SIPA1L1: variants seen among roughly 807,000 people sequenced by gnomAD.
SIPA1L1 encodes the protein signal-induced proliferation-associated 1-like protein 1.
A neutral mutation model predicts 162.7 loss-of-function variants in SIPA1L1; 26 were observed. That is an observed-to-expected ratio of 0.16 (90% confidence interval 0.12 to 0.22). SIPA1L1 has a LOEUF of 0.22. Ranked by LOEUF, SIPA1L1 falls within the 10% of genes least tolerant of loss-of-function variation. SIPA1L1 has a pLI of 1.00. For missense variants in SIPA1L1, 1,874 were observed against 2,241.0 expected (o/e 0.84, Z 3.31); for synonymous variants, 829 against 837.4 (o/e 0.99, Z 0.17).
chr14:71,678,803 C>T (rs1378680320), intron 12 of SIPA1L1, among the ~76,000 whole-genome samples: 1 of 151,692 alleles, frequency 6.6e-6, no homozygotes, highest in Non-Finnish European at 1.5e-5. Flanking sequence ...TTAATTATTG[C>T]CTCAATTTCA....
intron 2 of SIPA1L1, among the ~76,000 whole-genome samples, chr14:71,422,806 T>A (rs1396722296): frequency 6.6e-6 from 1 of 152,234 alleles, no homozygotes; most frequent in African/African-American, 2.4e-5. Context: ...CAAATATCTC[T>A]TTGAGACTCT....
intron 7 of SIPA1L1, among the ~76,000 whole-genome samples, chr14:71,642,192 A>C (rs1291447277): frequency 6.6e-6 from 1 of 152,188 alleles, no homozygotes; most frequent in African/African-American, 2.4e-5. Flanking sequence ...ATTGCTTGGG[A>C]GATGGGAAAC....
At chr14:71,664,156 G>A (rs572252067) in intron 10 of SIPA1L1, among the ~76,000 whole-genome samples, 12 of 152,196 alleles carry the variant, frequency 7.9e-5, no homozygotes, top group Admixed American at 6.5e-4. Context: ...AATGTATTAT[G>A]AGGTAGAATG....
At chr14:71,378,003 AAGAAGG>A (rs985058667) in intron 2 of SIPA1L1, among the ~76,000 whole-genome samples, 1 of 152,100 alleles carries the variant, frequency 6.6e-6, no homozygotes, top group Non-Finnish European at 1.5e-5. Context: ...AGACAGTGGA[AAGAAGG>A]AGAGGGAGAG....
intron 2 of SIPA1L1, among the ~76,000 whole-genome samples, chr14:71,370,902 C>G (rs2038826353): frequency 1.3e-5 from 2 of 151,986 alleles, no homozygotes; most frequent in African/African-American, 4.8e-5. Flanking sequence ...TTAACATAAG[C>G]AGAAATAGTC....
chr14:71,356,688 C>T (rs12882314), intron 2 of SIPA1L1, among the ~76,000 whole-genome samples: 1 of 151,790 alleles, frequency 6.6e-6, no homozygotes, highest in African/African-American at 2.4e-5. Context: ...TGTACTCCAG[C>T]CTGGGCAACA....
intron 4 of SIPA1L1, among the ~76,000 whole-genome samples, chr14:71,571,579 G>T (rs936721757): frequency 2.0e-5 from 3 of 152,128 alleles, no homozygotes; most frequent in Admixed American, 2.0e-4. Context: ...TAATACCTTT[G>T]TCTTAGTCCA....
At chr14:71,574,966 A>G (rs572649671) in intron 4 of SIPA1L1, 1 of 152,316 alleles carries the variant, frequency 6.6e-6, no homozygotes, top group Non-Finnish European at 1.5e-5. Flanking sequence ...AGGATGTGGT[A>G]TGCATTAAAG....
At chr14:71,595,888 A>G (rs1239555946) in intron 5 of SIPA1L1, among the ~76,000 whole-genome samples, 1 of 152,058 alleles carries the variant, frequency 6.6e-6, no homozygotes, top group Non-Finnish European at 1.5e-5. Flanking sequence ...TCCCATTCCC[A>G]ATTCTTTATG....
chr14:71,658,152 T>C (rs1477717059), intron 8 of SIPA1L1, among the ~76,000 whole-genome samples, 181 bp from the exon 9 acceptor site: 4 of 152,110 alleles, frequency 2.6e-5, no homozygotes, highest in Admixed American at 6.5e-5. Context: ...ATCCGTAGGC[T>C]TCACTAGACT....
At chr14:71,686,520 G>C (rs2080875440) in intron 13 of SIPA1L1, among the ~76,000 whole-genome samples, 1 of 152,174 alleles carries the variant, frequency 6.6e-6, no homozygotes, top group Non-Finnish European at 1.5e-5. Context: ...TGGTCTGCTA[G>C]AAGTCATCAA....
chr14:71,651,815 A>G (rs1001793994), intron 8 of SIPA1L1, among the ~76,000 whole-genome samples: 4 of 152,240 alleles, frequency 2.6e-5, no homozygotes, highest in Non-Finnish European at 5.9e-5. Flanking sequence ...TCGTTAAGCA[A>G]CATGACATGT....
chr14:71,576,766 G>A (rs1174337628), intron 4 of SIPA1L1, among the ~76,000 whole-genome samples: 3 of 152,082 alleles, frequency 2.0e-5, no homozygotes, highest in African/African-American at 7.2e-5. Flanking sequence ...TGAATTCCAG[G>A]CCTAAAATCC....
intron 2 of SIPA1L1, among the ~76,000 whole-genome samples, chr14:71,399,747 ATGCT>A (rs1335090091): frequency 1.3e-5 from 2 of 149,646 alleles, no homozygotes; most frequent in East Asian, 4.0e-4. Context: ...TTTTTTTGAG[ATGCT>A]TGCCCTGTCA....
chr14:71,673,698 T>G lies in SIPA1L1; in HGVS notation c.3104+1076T>G, dbSNP rs1236620964. ...GGGATTATGTATATATGTCAAAATATAGAAAAATTCCTTTGTCTGATAGTT... is the reference window on the plus strand; with the variant it reads ...GGGATTATGTATATATGTCAAAATAGAGAAAAATTCCTTTGTCTGATAGTT... On this transcript the variant is annotated intron_variant, in intron 12 of 23. Transcript: ENST00000381232. 2.6e-5 allele frequency among the ~76,000 whole-genome samples: 4 copies of G among 152,246 alleles called. No individual in the cohort carries two copies. In the East Asian group the frequency reaches 7.7e-4, roughly 29 times the overall value.
At chr14:71,471,352 C>G (rs1218258965) in intron 2 of SIPA1L1, among the ~76,000 whole-genome samples, 1 of 152,144 alleles carries the variant, frequency 6.6e-6, no homozygotes, top group African/African-American at 2.4e-5. Flanking sequence ...GCCTGTAATC[C>G]CAGCTTCTCG....
At chr14:71,542,710 T>C (rs1595997542) in intron 4 of SIPA1L1, among the ~76,000 whole-genome samples, 1 of 122,950 alleles carries the variant, frequency 8.1e-6, no homozygotes, top group African/African-American at 3.0e-5. Flanking sequence ...TCCTCCCTCC[T>C]CCTCCTCCTC....
chr14:71,541,326 T>C (rs1169442469), intron 4 of SIPA1L1, among the ~76,000 whole-genome samples: 1 of 152,222 alleles, frequency 6.6e-6, no homozygotes, highest in African/African-American at 2.4e-5. Context: ...GTAAGGATTC[T>C]AATGTTTATT....
chr14:71,545,662 T>C (rs1222799099), intron 4 of SIPA1L1, among the ~76,000 whole-genome samples: 1 of 152,204 alleles, frequency 6.6e-6, no homozygotes, highest in Admixed American at 6.5e-5. Flanking sequence ...TTGTTCCTTT[T>C]CCATCTTTAT....
Sources: gnomAD v4.1 joint callset for allele counts (sites outside exome capture counted in the v4.1 genomes callset) on GRCh38, gnomAD v4.1.1 for gene constraint, MANE v1.5 for transcripts, NCBI Gene and HGNC (gene_info 2026-07-23, HGNC 2026-07-21) for gene names.